CCDC7: variants seen among roughly 807,000 people sequenced by gnomAD.
CCDC7 encodes the protein coiled-coil domain-containing protein 7.
A neutral mutation model predicts 196.9 loss-of-function variants in CCDC7; 183 were observed. The ratio of observed to expected loss-of-function variants is 0.93; its 90% CI spans 0.82 to 1.05. The LOEUF (loss-of-function observed/expected upper bound fraction) is 1.05. Ranked by LOEUF, CCDC7 falls within the 50% of genes least tolerant of loss-of-function variation. The pLI is 0.00. For synonymous variants in CCDC7, 525 were observed against 484.6 expected, an observed-to-expected ratio of 1.08 and a Z score of -1.10; for missense variants, 1,540 against 1,482.2, an observed-to-expected ratio of 1.04 and a Z score of -0.64.
rs139270243 is a variant in CCDC7 at position 32,824,532 on chromosome 10, T to C, written c.3196T>C (p.Leu1066=). 233 of 1,607,620 alleles carry C rather than the reference T, an allele frequency of 1.4e-4. 1 individual carries two copies. Among genetic ancestry groups the C allele is most frequent in the East Asian group, 7.8e-4 (35 of 44,680 alleles). ...CTTTTTTATAGAGACTGATGAACGATTGCATAGTACAACTGAGAGAGGTAC... is the reference window on the plus strand; with the variant it reads ...CTTTTTTATAGAGACTGATGAACGACTGCATAGTACAACTGAGAGAGGTAC... The change falls in exon 32 of 42, where the codon TTG becomes CTG. Residue 1066 remains leucine (L), a synonymous_variant. Transcript: ENST00000639629.
At chr10:32,774,845 G>A (rs1474981686) in intron 28 of CCDC7, among the ~76,000 whole-genome samples, 2 of 152,190 alleles carry the variant, frequency 1.3e-5, no homozygotes, top group Admixed American at 1.3e-4. Context: ...GAATGTATAT[G>A]TGTGGTAGAT....
intron 18 of CCDC7, among the ~76,000 whole-genome samples, chr10:32,628,851 T>C (rs1414790874): frequency 3.9e-5 from 6 of 152,134 alleles, no homozygotes; most frequent in African/African-American, 1.2e-4. Flanking sequence ...CATATCATTG[T>C]GGTGAGTAAA....
At chr10:32,592,861 C>T (rs2137907644) in intron 18 of CCDC7, among the ~76,000 whole-genome samples, 1 of 152,208 alleles carries the variant, frequency 6.6e-6, no homozygotes, top group African/African-American at 2.4e-5. Flanking sequence ...CATCCATGTC[C>T]CTATAAAGGA....
intron 11 of CCDC7, among the ~76,000 whole-genome samples, chr10:32,538,082 C>A (rs143273897): frequency 6.6e-6 from 1 of 152,212 alleles, no homozygotes; most frequent in East Asian, 1.9e-4. Context: ...TCACTTTGGG[C>A]AGTATGACCA....
chr10:32,585,564 C>T (rs2059187015), intron 18 of CCDC7, among the ~76,000 whole-genome samples: 1 of 152,030 alleles, frequency 6.6e-6, no homozygotes, highest in Admixed American at 6.5e-5. Flanking sequence ...GTGATGTTCC[C>T]CTCCCTGTGT....
intron 31 of CCDC7, 132 bp downstream of exon 32, chr10:32,814,585 C>T (rs2087960500): frequency 1.7e-6 from 1 of 601,690 alleles, no homozygotes; most frequent in Non-Finnish European, 2.9e-6. Flanking sequence ...ATGAATTCCC[C>T]TCTATAATAT....
intron 5 of CCDC7, among the ~76,000 whole-genome samples, chr10:32,465,710 A>G (rs1465990367): frequency 1.3e-5 from 2 of 152,110 alleles, no homozygotes; most frequent in East Asian, 3.9e-4. Context: ...ACCTTTATGC[A>G]TGTAATTTAG....
intron 20 of CCDC7, among the ~76,000 whole-genome samples, chr10:32,658,031 C>T (rs1286336490): frequency 6.6e-6 from 1 of 152,198 alleles, no homozygotes; most frequent in East Asian, 1.9e-4. Flanking sequence ...GAGACCACCT[C>T]AGGCTGGACT....
chr10:32,730,277 A>AT (rs960290762), intron 28 of CCDC7, among the ~76,000 whole-genome samples: 3 of 151,784 alleles, frequency 2.0e-5, no homozygotes, highest in Non-Finnish European at 4.4e-5. Flanking sequence ...TCAGTCTGAT[A>AT]TTTTTTCTTT....
chr10:32,506,772 A>C (rs974274434), intron 9 of CCDC7, among the ~76,000 whole-genome samples: 8 of 139,398 alleles, frequency 5.7e-5, no homozygotes, highest in Admixed American at 4.0e-4. Flanking sequence ...GAATCACGGG[A>C]GCCCGAGGCA....
intron 28 of CCDC7, among the ~76,000 whole-genome samples, chr10:32,730,159 C>A (rs559391047): frequency 3.9e-5 from 6 of 152,208 alleles, no homozygotes; most frequent in South Asian, 2.1e-4. Context: ...TCTTGCCCCC[C>A]ACTCCAGACA....
chr10:32,823,699 C>T (rs2090644010), intron 31 of CCDC7, among the ~76,000 whole-genome samples: 2 of 152,158 alleles, frequency 1.3e-5, no homozygotes, highest in Non-Finnish European at 2.9e-5. Flanking sequence ...TTCTAATTAT[C>T]TGTTTTTCAA....
chr10:32,718,915 G>A (rs559542761), intron 25 of CCDC7, among the ~76,000 whole-genome samples: 12 of 152,232 alleles, frequency 7.9e-5, no homozygotes, highest in African/African-American at 2.9e-4. Context: ...TCATGGATAG[G>A]AATAATCAAG....
chr10:32,584,761 A>T (rs1336967847), intron 18 of CCDC7, among the ~76,000 whole-genome samples: 2 of 150,690 alleles, frequency 1.3e-5, no homozygotes, highest in African/African-American at 2.4e-5. Flanking sequence ...TCAAAAAAAA[A>T]AAAAAAAAAA....
chr10:32,662,611 G>C (rs1029473382), intron 20 of CCDC7, among the ~76,000 whole-genome samples: 15 of 152,138 alleles, frequency 9.9e-5, no homozygotes, highest in Admixed American at 2.6e-4. Flanking sequence ...TAGAGCCATA[G>C]ATGTCTTTGA....
intron 9 of CCDC7, among the ~76,000 whole-genome samples, chr10:32,506,727 CTGGAATCCCAGG>C (rs1443561176): frequency 6.6e-6 from 1 of 152,054 alleles, no homozygotes; most frequent in Non-Finnish European, 1.5e-5. Flanking sequence ...CGGTGTGTGC[CTGGAATCCCAGG>C]CACTCGGCGG....
intron 41 of CCDC7, among the ~76,000 whole-genome samples, chr10:32,857,959 C>G (rs2093817332): frequency 6.6e-6 from 1 of 151,020 alleles, no homozygotes; most frequent in African/African-American, 2.4e-5. Flanking sequence ...TAGTAGATAC[C>G]AAAGAAATTA....
At chr10:32,719,839 G>A (rs1386392158) in intron 25 of CCDC7, among the ~76,000 whole-genome samples, 2 of 152,142 alleles carry the variant, frequency 1.3e-5, no homozygotes, top group Non-Finnish European at 2.9e-5. Flanking sequence ...ACATCAATTA[G>A]AATGGTGATC....
At chr10:32,554,952 T>TAA (rs1321638838) in intron 13 of CCDC7, among the ~76,000 whole-genome samples, 17 of 152,362 alleles carry the variant, frequency 1.1e-4, no homozygotes, top group African/African-American at 3.8e-4. Context: ...AGTGAGAACA[T>TAA]GTGAAGTTTG....
Sources: gnomAD v4.1 joint callset for allele counts (sites outside exome capture counted in the v4.1 genomes callset) on GRCh38, gnomAD v4.1.1 for gene constraint, MANE v1.5 for transcripts, NCBI Gene and HGNC (gene_info 2026-07-23, HGNC 2026-07-21) for gene names.